Variants in MKLN1 observed in about 807,000 individuals in gnomAD.
The protein encoded by MKLN1 is muskelin 1.
A neutral mutation model predicts 99.0 loss-of-function variants in MKLN1; 18 were observed. The ratio of observed to expected loss-of-function variants is 0.18; its 90% CI spans 0.13 to 0.27. The LOEUF (loss-of-function observed/expected upper bound fraction) is 0.27. Ranked by LOEUF, MKLN1 falls within the 10% of genes least tolerant of loss-of-function variation. MKLN1 has a pLI of 1.00. For missense variants in MKLN1, 621 were observed against 875.9 expected, an observed-to-expected ratio of 0.71 and a Z score of 3.67; for synonymous variants, 288 against 293.2, an observed-to-expected ratio of 0.98 and a Z score of 0.18.
intron 1 of MKLN1, among the ~76,000 whole-genome samples, chr7:131,133,820 G>GT (rs1563226583): frequency 4.2e-5 from 1 of 24,062 alleles, no homozygotes; most frequent in African/African-American, 1.5e-4. Context: ...TTTTAATTTG[G>GT]TTTTTTTTTT....
intron 1 of MKLN1, among the ~76,000 whole-genome samples, chr7:131,361,424 A>G (rs1413997989): frequency 1.3e-5 from 2 of 151,790 alleles, no homozygotes; most frequent in Admixed American, 6.6e-5. Flanking sequence ...CATGTTGTCT[A>G]CATTTTCCAT....
At chr7:131,432,903 A>G (rs1795565588) in intron 9 of MKLN1, among the ~76,000 whole-genome samples, 1 of 152,190 alleles carries the variant, frequency 6.6e-6, no homozygotes. Context: ...AAGAGTGAAA[A>G]GACAAATTTT....
intron 2 of MKLN1, among the ~76,000 whole-genome samples, chr7:131,174,634 C>T (rs1170026119): frequency 1.3e-5 from 2 of 152,098 alleles, no homozygotes; most frequent in Admixed American, 6.6e-5. Flanking sequence ...TGATCCTGTG[C>T]CTGACGTGAT....
At chr7:131,135,380 A>C (rs760661840) in intron 1 of MKLN1, among the ~76,000 whole-genome samples, 5 of 152,128 alleles carry the variant, frequency 3.3e-5, no homozygotes, top group Admixed American at 6.6e-5. Flanking sequence ...TCCTCCTCCC[A>C]AAGTGCTGGG....
chr7:131,470,405 G>T (rs73722824), intron 15 of MKLN1, among the ~76,000 whole-genome samples: 36 of 152,192 alleles, frequency 2.4e-4, no homozygotes, highest in African/African-American at 7.9e-4. Context: ...AGTTTCCAAG[G>T]TATCTGTTAA....
intron 2 of MKLN1, among the ~76,000 whole-genome samples, chr7:131,191,267 C>T (rs1287458691): frequency 6.6e-6 from 1 of 152,222 alleles, no homozygotes; most frequent in Non-Finnish European, 1.5e-5. Context: ...GGAATGCAAG[C>T]AGTTGCCAGA....
intron 1 of MKLN1, among the ~76,000 whole-genome samples, chr7:131,341,964 C>A (rs1049012841): frequency 2.0e-5 from 3 of 152,132 alleles, no homozygotes; most frequent in African/African-American, 4.8e-5. Flanking sequence ...GTTTGGGATC[C>A]CTGCATTAGT....
chr7:131,173,456 C>T (rs1382074657), intron 2 of MKLN1, among the ~76,000 whole-genome samples: 3 of 152,214 alleles, frequency 2.0e-5, no homozygotes, highest in Non-Finnish European at 4.4e-5. Context: ...TGGTGGCTCA[C>T]GCCCATAATC....
rs548198122 is a variant in MKLN1, at chr7:131,255,180, G to T, written c.-179+52206G>T. Among the ~76,000 whole-genome samples, 4 of 152,238 alleles carry T rather than the reference G, an allele frequency of 2.6e-5. No individual in the cohort carries two copies. The East Asian group carries it at 7.7e-4, about 29-fold the overall frequency. On this transcript the variant is annotated intron_variant, in intron 3 of 7. Transcript: ENST00000416992. Reference sequence around the variant, plus strand: ...TGGTCTCAAATTCCTGTCCTCAAGGGATCCTCCTGCCTCAGCCTCCCAAAG... The same window carrying T: ...TGGTCTCAAATTCCTGTCCTCAAGGTATCCTCCTGCCTCAGCCTCCCAAAG...
intron 4 of MKLN1, among the ~76,000 whole-genome samples, chr7:131,393,185 C>A (rs1794257662): frequency 6.6e-6 from 1 of 152,092 alleles, no homozygotes; most frequent in Non-Finnish European, 1.5e-5. Context: ...TGACTGAATC[C>A]TAGAATACAA....
chr7:131,471,278 C>T, intron 16 of MKLN1: 1 of 179,268 alleles, frequency 5.6e-6, no homozygotes, highest in South Asian at 1.3e-4. Flanking sequence ...CATAATGGTT[C>T]AATATAAACT....
At chr7:131,291,781 A>AG (rs1407034662) in intron 3 of MKLN1, among the ~76,000 whole-genome samples, 4 of 142,510 alleles carry the variant, frequency 2.8e-5, no homozygotes, top group African/African-American at 5.2e-5. Flanking sequence ...AAAAAAAAAG[A>AG]AAAAAAAGAC....
At chr7:131,309,149 A>G (rs1584904938) in intron 3 of MKLN1, among the ~76,000 whole-genome samples, 1 of 152,334 alleles carries the variant, frequency 6.6e-6, no homozygotes, top group Non-Finnish European at 1.5e-5. Context: ...CCATCACTTA[A>G]AATCATGTCC....
At chr7:131,252,453 C>T (rs1420505658) in intron 3 of MKLN1, among the ~76,000 whole-genome samples, 4 of 150,992 alleles carry the variant, frequency 2.6e-5, no homozygotes, top group East Asian at 2.0e-4. Flanking sequence ...CTCAGCCTCC[C>T]GAGTAGCTGG....
At chr7:131,216,194 G>A (rs1266703065) in intron 3 of MKLN1, among the ~76,000 whole-genome samples, 1 of 152,120 alleles carries the variant, frequency 6.6e-6, no homozygotes, top group Non-Finnish European at 1.5e-5. Flanking sequence ...GAGGTCAGGA[G>A]TTCAAGACTA....
intron 1 of MKLN1, among the ~76,000 whole-genome samples, chr7:131,370,683 C>A (rs534484538): frequency 6.6e-6 from 1 of 152,076 alleles, no homozygotes; most frequent in African/African-American, 2.4e-5. Flanking sequence ...CTTCAACTGA[C>A]AGGGCAAGTT....
intron 2 of MKLN1, chr7:131,143,027 TCTGGAGTCTTCATCAGAAGATGTGA>T: frequency 2.1e-6 from 2 of 949,336 alleles, no homozygotes; most frequent in South Asian, 2.8e-5. Flanking sequence ...AATTCTTCTC[TCTGGAGTCTTCATCAGAAGATGTGA>T]CTGGAGTCCT....
intron 3 of MKLN1, among the ~76,000 whole-genome samples, chr7:131,283,563 T>C (rs1798090859): frequency 6.6e-6 from 1 of 151,554 alleles, no homozygotes; most frequent in Non-Finnish European, 1.5e-5. Flanking sequence ...GCCTCCCGAG[T>C]AGCTGGGACT....
intron 2 of MKLN1, among the ~76,000 whole-genome samples, chr7:131,175,545 C>T (rs944818915): frequency 1.3e-5 from 2 of 152,180 alleles, no homozygotes; most frequent in African/African-American, 4.8e-5. Context: ...AGATTTTGGA[C>T]ACCCAAATAA....
Sources: gnomAD v4.1 joint callset for allele counts (sites outside exome capture counted in the v4.1 genomes callset) on GRCh38, gnomAD v4.1.1 for gene constraint, MANE v1.5 for transcripts, NCBI Gene and HGNC (gene_info 2026-07-23, HGNC 2026-07-21) for gene names.